Variants in GRM8 observed in about 807,000 individuals in gnomAD.
GRM8 encodes the protein metabotropic glutamate receptor 8.
In GRM8, 47 loss-of-function variants were observed where a neutral mutation model predicts 87.2. That is an observed-to-expected ratio of 0.54 (90% CI 0.43 to 0.69). GRM8 has a LOEUF of 0.69. Ranked by LOEUF, GRM8 falls within the 30% of genes least tolerant of loss-of-function variation. The pLI, the probability that GRM8 is intolerant of heterozygous loss-of-function variation, is 0.00. For missense variants in GRM8, 1,019 were observed against 1,139.2 expected, an observed-to-expected ratio of 0.89 and a Z score of 1.52; for synonymous variants, 396 against 404.5, an observed-to-expected ratio of 0.98 and a Z score of 0.25.
intron 2 of GRM8, among the ~76,000 whole-genome samples, chr7:127,241,244 C>T (rs1798276364): frequency 6.6e-6 from 1 of 152,178 alleles, no homozygotes; most frequent in African/African-American, 2.4e-5. Flanking sequence ...ATTCCAGTGC[C>T]ATGAGTGGGC....
chr7:126,530,480 GAGCC>G (rs1232367836), intron 9 of GRM8, among the ~76,000 whole-genome samples: 1 of 152,210 alleles, frequency 6.6e-6, no homozygotes, highest in Non-Finnish European at 1.5e-5. Flanking sequence ...CATGGGCTGG[GAGCC>G]AGACTCAGCC....
At chr7:126,499,619 G>A (rs1245557012) in intron 9 of GRM8, among the ~76,000 whole-genome samples, 1 of 151,886 alleles carries the variant, frequency 6.6e-6, no homozygotes, top group Non-Finnish European at 1.5e-5. Context: ...AAAAGGGAAT[G>A]TCTGTTATTT....
chr7:126,805,264 A>T (rs988614619), intron 6 of GRM8, among the ~76,000 whole-genome samples: 12 of 152,142 alleles, frequency 7.9e-5, no homozygotes, highest in African/African-American at 2.9e-4. Context: ...CAAACCCATC[A>T]CATAAGATGC....
chr7:126,517,353 G>A (rs1307441314), intron 9 of GRM8, among the ~76,000 whole-genome samples: 1 of 152,028 alleles, frequency 6.6e-6, no homozygotes, highest in Non-Finnish European at 1.5e-5. Context: ...GAAGAAGCAG[G>A]AGTCTTAGTC....
At chr7:126,952,303 C>A (rs981147184) in intron 3 of GRM8, among the ~76,000 whole-genome samples, 3 of 151,880 alleles carry the variant, frequency 2.0e-5, no homozygotes, top group African/African-American at 7.3e-5. Context: ...TATAAATAAT[C>A]TATTATCTAA....
At chr7:126,690,639 A>G (rs1008773447) in intron 7 of GRM8, among the ~76,000 whole-genome samples, 8 of 152,182 alleles carry the variant, frequency 5.3e-5, no homozygotes, top group Non-Finnish European at 8.8e-5. Context: ...TGTGTGTTAC[A>G]GCTCTTTCAG....
At chr7:127,025,776 T>G (rs1441822135) in intron 3 of GRM8, among the ~76,000 whole-genome samples, 1 of 152,084 alleles carries the variant, frequency 6.6e-6, no homozygotes, top group Non-Finnish European at 1.5e-5. Context: ...TTCTGAAAAA[T>G]AGAGGAGCTA....
intron 2 of GRM8, among the ~76,000 whole-genome samples, chr7:127,150,818 G>C (rs969565166): frequency 3.9e-5 from 6 of 151,992 alleles, no homozygotes; most frequent in African/African-American, 1.4e-4. Context: ...GCTGACCCTT[G>C]GGTTGGCTTC....
At chr7:126,527,173 A>C (rs1813983067) in intron 9 of GRM8, among the ~76,000 whole-genome samples, 1 of 152,202 alleles carries the variant, frequency 6.6e-6, no homozygotes, top group African/African-American at 2.4e-5. Flanking sequence ...AGCCTGGCCA[A>C]TATGGTGAAA....
At chr7:126,852,604 AAATTGGAACATTT>A (rs1451281676) in intron 6 of GRM8, among the ~76,000 whole-genome samples, 8 of 152,332 alleles carry the variant, frequency 5.3e-5, no homozygotes, top group African/African-American at 1.4e-4. Flanking sequence ...CTTTTGTGCC[AAATTGGAACATTT>A]AATAAACCTT....
At chr7:127,172,849 A>AAACATGCTTTGTACC (rs1793896363) in intron 2 of GRM8, among the ~76,000 whole-genome samples, 2 of 152,232 alleles carry the variant, frequency 1.3e-5, no homozygotes, top group Non-Finnish European at 2.9e-5. Context: ...CTCTGAGTGC[A>AAACATGCTTTGTACC]AACATGCTTT....
chr7:127,063,888 G>C (rs994605704), intron 3 of GRM8, among the ~76,000 whole-genome samples: 1 of 152,154 alleles, frequency 6.6e-6, no homozygotes, highest in Non-Finnish European at 1.5e-5. Context: ...TTACCCAAAA[G>C]TCATTCAGGA....
chr7:126,629,004 A>T (rs904601360), intron 7 of GRM8, among the ~76,000 whole-genome samples: 2 of 152,120 alleles, frequency 1.3e-5, no homozygotes, highest in Non-Finnish European at 2.9e-5. Context: ...AACAAACATT[A>T]AAAAAATGGG....
rs1168244888 is a variant in GRM8, at chr7:126,767,540, G to A, written c.1357+2325C>T. 2.0e-5 allele frequency among the ~76,000 whole-genome samples: 3 copies of A among 151,990 alleles called. No individual in the cohort carries two copies. In the East Asian group the frequency reaches 5.8e-4, roughly 29 times the overall value. ...ATGAAAATTATAAATCACATTGTCG[G>A]TCCCTTTATGCTTTGACTGCTTAAG... is the stretch of plus-strand genomic sequence containing the variant. On this transcript the variant is annotated intron_variant, in intron 7 of 10. Transcript: ENST00000339582.
chr7:127,108,756 G>T (rs777096313), intron 2 of GRM8, among the ~76,000 whole-genome samples: 3 of 152,178 alleles, frequency 2.0e-5, no homozygotes, highest in African/African-American at 7.2e-5. Flanking sequence ...AGGTGTAAAG[G>T]GTATATAAAA....
intron 2 of GRM8, among the ~76,000 whole-genome samples, chr7:127,161,064 C>T (rs1020894130): frequency 1.4e-4 from 21 of 152,174 alleles, no homozygotes; most frequent in African/African-American, 4.1e-4. Flanking sequence ...TGTACTGTTC[C>T]GAGTTGCTTA....
At position 127,047,482 on chromosome 7, in the gene GRM8, C is replaced by T. The variant is rs887812361; in HGVS notation, c.727+59014G>A. On this transcript the variant is annotated intron_variant, in intron 3 of 10. Coordinates refer to ENST00000339582, the MANE Select transcript of GRM8 (RefSeq NM_000845.3). ...TCTCTCTTTCCTCTTCTCTCTTCTT[C>T]CCCCTTTCTTTTTCCCCTTCTCCTT... 4.6e-5 allele frequency among the ~76,000 whole-genome samples: 7 copies of T among 151,984 alleles called. No individual in the cohort carries two copies. In the South Asian group the frequency reaches 1.5e-3, roughly 32 times the overall value.
At chr7:126,810,946 A>G (rs1478853623) in intron 6 of GRM8, among the ~76,000 whole-genome samples, 3 of 152,080 alleles carry the variant, frequency 2.0e-5, no homozygotes, top group African/African-American at 7.2e-5. Context: ...AACCACAGAT[A>G]GAAAATATTC....
At chr7:126,888,752 T>A (rs1300383496) in intron 6 of GRM8, among the ~76,000 whole-genome samples, 2 of 152,128 alleles carry the variant, frequency 1.3e-5, no homozygotes, top group Non-Finnish European at 2.9e-5. Flanking sequence ...GTGCAGAGCA[T>A]CTTTCCACCT....
Sources: allele counts gnomAD v4.1 joint callset (sites outside exome capture counted in the v4.1 genomes callset), GRCh38; gene constraint gnomAD v4.1.1; transcripts MANE v1.5; gene names NCBI Gene and HGNC (gene_info 2026-07-23, HGNC 2026-07-21).